Variants in KHDRBS2 observed in about 807,000 individuals in gnomAD.
KHDRBS2 encodes KH RNA binding domain containing, signal transduction associated 2.
KHDRBS2 carries 26 observed loss-of-function variants against 44.3 expected under a neutral mutation model. The ratio of observed to expected loss-of-function variants is 0.59; its 90% CI spans 0.43 to 0.81. The LOEUF (loss-of-function observed/expected upper bound fraction) is 0.81. KHDRBS2 is among the 40% of genes least tolerant of loss of function. KHDRBS2 has a pLI of 0.00. For missense variants in KHDRBS2, 476 were observed against 433.1 expected (o/e 1.10, Z -0.88); for synonymous variants, 194 against 151.1 (o/e 1.28, Z -2.08).
chr6:61,927,928 T>A (rs1481914856), intron 4 of KHDRBS2, among the ~76,000 whole-genome samples: 1 of 152,130 alleles, frequency 6.6e-6, no homozygotes, highest in East Asian at 1.9e-4. Flanking sequence ...ATTATTGGAA[T>A]CTGTTATGCA....
At chr6:62,095,388 C>T (rs1800364995) in intron 2 of KHDRBS2, among the ~76,000 whole-genome samples, 4 of 151,712 alleles carry the variant, frequency 2.6e-5, no homozygotes. Flanking sequence ...AATTTTTAAT[C>T]TTTTATATCA....
chr6:62,159,564 G>T (rs540385059), intron 2 of KHDRBS2, among the ~76,000 whole-genome samples: 101 of 152,158 alleles, frequency 6.6e-4, no homozygotes, highest in African/African-American at 2.3e-3. Context: ...CATAATTAAA[G>T]TTGATCCCTA....
At chr6:61,921,380 T>C (rs1808032944) in intron 4 of KHDRBS2, among the ~76,000 whole-genome samples, 1 of 151,988 alleles carries the variant, frequency 6.6e-6, no homozygotes, top group Non-Finnish European at 1.5e-5. Context: ...AGTTTCATTA[T>C]GCACACGTTA....
chr6:62,180,347 T>C (rs1198007772), intron 1 of KHDRBS2, among the ~76,000 whole-genome samples: 1 of 151,850 alleles, frequency 6.6e-6, no homozygotes, highest in East Asian at 1.9e-4. Context: ...TCAGGAAAGT[T>C]GCAAAATATA....
the KHDRBS2 span, among the ~76,000 whole-genome samples, chr6:61,637,079 A>G: frequency 1.3e-5 from 2 of 151,976 alleles, no homozygotes; most frequent in African/African-American, 4.8e-5. Flanking sequence ...CATGTGCACA[A>G]TGTGCAGGTT....
chr6:61,565,383 T>G, the KHDRBS2 span, among the ~76,000 whole-genome samples: 1 of 151,908 alleles, frequency 6.6e-6, no homozygotes, highest in Non-Finnish European at 1.5e-5. Context: ...AAAGACAACC[T>G]ACAAAATGAC....
At chr6:61,933,633 T>G (rs180930213) in intron 4 of KHDRBS2, among the ~76,000 whole-genome samples, 1 of 152,164 alleles carries the variant, frequency 6.6e-6, no homozygotes, top group East Asian at 1.9e-4. Flanking sequence ...TCATAGGCTC[T>G]AAACCTGTTC....
At chr6:62,061,662 T>G (rs1039474126) in intron 2 of KHDRBS2, among the ~76,000 whole-genome samples, 8 of 151,314 alleles carry the variant, frequency 5.3e-5, no homozygotes, top group Non-Finnish European at 1.0e-4. Context: ...TTGGAGTTGC[T>G]CTTCTTGAGG....
chr6:61,569,353 G>T, the KHDRBS2 span, among the ~76,000 whole-genome samples: 1 of 152,076 alleles, frequency 6.6e-6, no homozygotes, highest in Non-Finnish European at 1.5e-5. Context: ...GGGCTTTATG[G>T]CCCTGCCCAT....
At chr6:62,237,427 C>T (rs79889110) in intron 1 of KHDRBS2, among the ~76,000 whole-genome samples, 4,468 of 152,184 alleles carry the variant, frequency 0.029, 167 homozygotes, top group African/African-American at 0.097. Flanking sequence ...ACTCAAGGTC[C>T]TAATCCTTAT....
At chr6:61,902,405 A>G (rs1804223434) in intron 4 of KHDRBS2, among the ~76,000 whole-genome samples, 1 of 152,210 alleles carries the variant, frequency 6.6e-6, no homozygotes, top group Admixed American at 6.5e-5. Flanking sequence ...GAAATACACC[A>G]GCCAATTCAA....
At chr6:61,804,328 G>A (rs1376531441) in intron 6 of KHDRBS2, among the ~76,000 whole-genome samples, 1 of 151,586 alleles carries the variant, frequency 6.6e-6, no homozygotes, top group African/African-American at 2.4e-5. Context: ...CCATGGCCTT[G>A]GACAGCCCCA....
At chr6:61,924,044 C>T (rs1347452220) in intron 4 of KHDRBS2, among the ~76,000 whole-genome samples, 5 of 151,988 alleles carry the variant, frequency 3.3e-5, no homozygotes, top group African/African-American at 9.7e-5. Context: ...AAATCATACC[C>T]TTTGTAGTAA....
chr6:61,638,880 A>G, the KHDRBS2 span, among the ~76,000 whole-genome samples: 1 of 152,032 alleles, frequency 6.6e-6, no homozygotes, highest in Non-Finnish European at 1.5e-5. Flanking sequence ...CCTATGTTAA[A>G]TGTGTCGAGT....
At chr6:61,967,859 TACAC>T (rs1184753550) in intron 4 of KHDRBS2, among the ~76,000 whole-genome samples, 5 of 16,712 alleles carry the variant, frequency 3.0e-4, no homozygotes, top group East Asian at 2.4e-3. Context: ...CATACATACA[TACAC>T]ACATACACAC....
chr6:61,701,686 G>T (rs1020814762), intron 7 of KHDRBS2, among the ~76,000 whole-genome samples: 1 of 151,862 alleles, frequency 6.6e-6, no homozygotes, highest in African/African-American at 2.4e-5. Context: ...TTATTAAAAA[G>T]ACAAAACAAA....
chr6:61,619,149 A>T, the KHDRBS2 span, among the ~76,000 whole-genome samples: 1 of 152,176 alleles, frequency 6.6e-6, no homozygotes, highest in Non-Finnish European at 1.5e-5. Flanking sequence ...TTTGGGATAC[A>T]AGTGGTTTTT....
chr6:61,547,844 A>G, the KHDRBS2 span, among the ~76,000 whole-genome samples: 2 of 152,124 alleles, frequency 1.3e-5, no homozygotes, highest in African/African-American at 4.8e-5. Context: ...CTTCCCCAAA[A>G]AGTCCAATTT....
At position 61,776,100 on chromosome 6, in the gene KHDRBS2, G is replaced by T. The variant is rs564085275; in HGVS notation, c.811-43336C>A. Among the ~76,000 whole-genome samples the T allele has an allele frequency of 1.5e-3, 223 of 152,292 alleles. 1 individual carries two copies. The highest frequency in any genetic ancestry group is 5.2e-3 in the African/African-American group (216 of 41,570). On this transcript the variant is annotated intron_variant, in intron 6 of 8. Coordinates refer to ENST00000281156, the MANE Select transcript of KHDRBS2 (RefSeq NM_152688.4). ...ACTGGCTAGCCATATGTAGAAAGCT[G>T]AAACTGGATCCCTTCCTTACACCTT...
Sources: gnomAD v4.1 joint callset for allele counts (sites outside exome capture counted in the v4.1 genomes callset) on GRCh38, gnomAD v4.1.1 for gene constraint, MANE v1.5 for transcripts, NCBI Gene and HGNC (gene_info 2026-07-23, HGNC 2026-07-21) for gene names.